Variants in FGF2 observed in about 807,000 individuals in gnomAD.
FGF2 encodes the protein basic fibroblast growth factor bFGF.
A neutral mutation model predicts 15.9 loss-of-function variants in FGF2; 13 were observed. The ratio of observed to expected loss-of-function variants is 0.82; its 90% CI spans 0.53 to 1.30. The LOEUF is 1.30. FGF2 is among the 50% of genes most tolerant of loss of function. FGF2 has a pLI of 0.00. For missense variants in FGF2, 163 were observed against 196.9 expected (o/e 0.83, Z 1.03); for synonymous variants, 90 against 78.4 (o/e 1.15, Z -0.78).
intron 1 of FGF2, among the ~76,000 whole-genome samples, chr4:122,852,273 T>TA (rs2150772058): frequency 6.6e-6 from 1 of 152,326 alleles, no homozygotes; most frequent in South Asian, 2.1e-4. Context: ...TGGCTTTACT[T>TA]ACATGTCCAA....
At position 122,852,827 on chromosome 4, in the gene FGF2, A is replaced by G. The variant is rs1547498; in HGVS notation, c.179-23494A>G. Reference sequence around the variant, plus strand: ...AAAGTCCACATCTTTATTATCTTACATGTGAACAGCTGTAATAACCTTTCC... The same window carrying G: ...AAAGTCCACATCTTTATTATCTTACGTGTGAACAGCTGTAATAACCTTTCC... On this transcript the variant is annotated intron_variant, in intron 1 of 2. Coordinates refer to ENST00000644866, the MANE Select transcript of FGF2 (RefSeq NM_001361665.2). Among the ~76,000 whole-genome samples, 580 of 152,314 alleles carry G rather than the reference A, an allele frequency of 3.8e-3. 6 individuals carry two copies. Among genetic ancestry groups the G allele is most frequent in the African/African-American group, 0.013 (522 of 41,556 alleles).
chr4:122,842,687 TG>T (rs1726014746), intron 1 of FGF2, among the ~76,000 whole-genome samples: 2 of 152,222 alleles, frequency 1.3e-5, no homozygotes, highest in Non-Finnish European at 2.9e-5. Flanking sequence ...GGTCTAGTTA[TG>T]CTTTTCCTTA....
chr4:122,852,512 AG>A (rs1337310089), intron 1 of FGF2, among the ~76,000 whole-genome samples: 1 of 152,240 alleles, frequency 6.6e-6, no homozygotes, highest in Non-Finnish European at 1.5e-5. Flanking sequence ...GAGCTACAGA[AG>A]ATATAAATAT....
intron 1 of FGF2, among the ~76,000 whole-genome samples, chr4:122,849,984 G>A (rs1170113396): frequency 1.3e-5 from 2 of 152,192 alleles, no homozygotes; most frequent in African/African-American, 4.8e-5. Flanking sequence ...GAAGCTGGCT[G>A]GGCGCGGTGG....
chr4:122,851,589 T>C (rs1726233497), intron 1 of FGF2, among the ~76,000 whole-genome samples: 1 of 152,216 alleles, frequency 6.6e-6, no homozygotes, highest in African/African-American at 2.4e-5. Flanking sequence ...TTGTGAGTTT[T>C]AAAGTATATA....
Position 122,895,008 on chromosome 4 carries a change from C to G in FGF2, c.*2612C>G, listed in dbSNP as rs1290777705. On this transcript the variant is annotated 3_prime_UTR_variant, in exon 3 of 3. Transcript: ENST00000644866. The stretch of plus-strand genomic sequence containing the variant: ...GAGCAAATCTGCCCTGCTCAGCAGT[C>G]ACCATAGCAGCTGACTGAAAATCAG... 1 of 152,186 alleles carries G rather than the reference C, an allele frequency of 6.6e-6. No individual in the cohort carries two copies. The highest frequency in any genetic ancestry group is 1.5e-5 in the Non-Finnish European group (1 of 68,042). 9.4% of individuals were successfully genotyped at this position (152,186 alleles called of 1,614,324 possible).
chr4:122,880,090 A>C (rs180829655), intron 2 of FGF2, among the ~76,000 whole-genome samples: 145 of 152,290 alleles, frequency 9.5e-4, no homozygotes, highest in Non-Finnish European at 1.6e-3. Flanking sequence ...CCTTCTGCCT[A>C]TGAGCCTGTA....
chr4:122,830,061 C>T (rs1268342361), intron 1 of FGF2, among the ~76,000 whole-genome samples: 4 of 152,208 alleles, frequency 2.6e-5, no homozygotes, highest in Admixed American at 2.6e-4. Context: ...GTCCAACTGA[C>T]CTGAACATCT....
chr4:122,883,509 A>G (rs1251837274), intron 2 of FGF2, among the ~76,000 whole-genome samples: 1 of 152,234 alleles, frequency 6.6e-6, no homozygotes, highest in Non-Finnish European at 1.5e-5. Context: ...GAAGTTAAAT[A>G]GTTCTTTAAT....
intron 1 of FGF2, among the ~76,000 whole-genome samples, chr4:122,871,369 A>G (rs1726728544): frequency 6.6e-6 from 1 of 152,038 alleles, no homozygotes; most frequent in Non-Finnish European, 1.5e-5. Flanking sequence ...AGTCCTGAAT[A>G]TCCTTGTTAA....
intron 2 of FGF2, among the ~76,000 whole-genome samples, chr4:122,891,837 A>T (rs1727197505): frequency 6.6e-6 from 1 of 152,154 alleles, no homozygotes. Context: ...GTGTGGATGG[A>T]TCATAAATAC....
intron 2 of FGF2, among the ~76,000 whole-genome samples, chr4:122,884,889 G>A (rs529109798): frequency 6.6e-6 from 1 of 152,300 alleles, no homozygotes; most frequent in East Asian, 1.9e-4. Context: ...AAGGCTACTA[G>A]AGATTAGGAG....
chr4:122,838,064 GA>G (rs1725901763), intron 1 of FGF2, among the ~76,000 whole-genome samples: 1 of 152,184 alleles, frequency 6.6e-6, no homozygotes, highest in Non-Finnish European at 1.5e-5. Context: ...TGTTTTAATT[GA>G]GTGTACTAAT....
intron 1 of FGF2, among the ~76,000 whole-genome samples, chr4:122,865,849 T>G (rs1396387119): frequency 2.0e-5 from 3 of 152,200 alleles, no homozygotes; most frequent in African/African-American, 7.2e-5. Flanking sequence ...AAGAATGAAG[T>G]TGTGCCACAT....
chr4:122,851,542 C>T (rs1726232303), intron 1 of FGF2, among the ~76,000 whole-genome samples: 1 of 152,072 alleles, frequency 6.6e-6, no homozygotes, highest in African/African-American at 2.4e-5. Flanking sequence ...ATTCTGTTAG[C>T]CGAAATATGG....
intron 1 of FGF2, among the ~76,000 whole-genome samples, chr4:122,864,794 C>A (rs867656979): frequency 6.6e-6 from 1 of 152,104 alleles, no homozygotes. Flanking sequence ...GAAATTCTCT[C>A]TCCCTCCTTG....
rs956165877 is a variant in FGF2, at chr4:122,892,497, T to G, written c.*101T>G. 3 of 1,558,304 alleles carry G rather than the reference T, an allele frequency of 1.9e-6. No individual in the cohort carries two copies. The Admixed American group carries it at 5.9e-5, about 31-fold the overall frequency. ...GAAAATAAATGTGTATAGCTCAGTT[T>G]GGATAATTGGTCAAACAATTTTTTA... On this transcript the variant is annotated 3_prime_UTR_variant, in exon 3 of 3. Coordinates refer to ENST00000644866, the MANE Select transcript of FGF2 (RefSeq NM_001361665.2).
At position 122,893,461 on chromosome 4, in the gene FGF2, G is replaced by T; in HGVS notation, c.*1065G>T. On this transcript the variant is annotated 3_prime_UTR_variant, in exon 3 of 3. Transcript: ENST00000644866. ...TGAATATTTCTTTGGCTGCTACTTGGAGGCTTATCTACCTGTACATTTTTG... is the reference window on the plus strand; with the variant it reads ...TGAATATTTCTTTGGCTGCTACTTGTAGGCTTATCTACCTGTACATTTTTG... 2.5e-6 allele frequency: 1 copy of T among 400,064 alleles called. No homozygotes were observed. Among genetic ancestry groups the T allele is most frequent in the Non-Finnish European group, 4.4e-6 (1 of 227,848 alleles). The allele number at this position is 400,064 out of a possible 1,614,324, so 24.8% of individuals were successfully genotyped here. A position where few individuals can be genotyped will look rare whatever the true frequency, so the allele number is the denominator to read the frequency against.
chr4:122,846,420 G>C (rs1183584898), intron 1 of FGF2, among the ~76,000 whole-genome samples: 1 of 152,292 alleles, frequency 6.6e-6, no homozygotes, highest in East Asian at 1.9e-4. Flanking sequence ...TATCTGTGAA[G>C]AGCAATAATG....
Sources: gnomAD v4.1 joint callset for allele counts (sites outside exome capture counted in the v4.1 genomes callset) on GRCh38, gnomAD v4.1.1 for gene constraint, MANE v1.5 for transcripts, NCBI Gene and HGNC (gene_info 2026-07-23, HGNC 2026-07-21) for gene names.